Variants in PRAC1 observed in about 807,000 individuals in gnomAD.
PRAC1 encodes the protein PRAC1 small nuclear protein, also known as small nuclear protein PRAC1.
A neutral mutation model predicts 3.1 loss-of-function variants in PRAC1; 4 were observed. That is an observed-to-expected ratio of 1.28 (90% CI 0.63 to 2.93). PRAC1 has a LOEUF of 2.93. PRAC1 is among the 30% of genes most tolerant of loss of function. The probability of loss-of-function intolerance (pLI) is 0.01; values close to 1 mark genes in which losing one functional copy is unlikely to be tolerated. For synonymous variants in PRAC1, 32 were observed against 27.0 expected (o/e 1.18, Z -0.57); for missense variants, 72 against 66.8 (o/e 1.08, Z -0.27).
At chr17:48,722,172 T>C in intron 1 of PRAC1, 146 bp downstream of exon 1, 1 of 742,220 alleles carries the variant, frequency 1.3e-6, no homozygotes, top group Admixed American at 2.6e-5. Flanking sequence ...GTGGTATCGG[T>C]GAAAGCCTGC....
In PRAC1 at chr17:48,722,491, T is replaced by G; in HGVS notation, c.-99A>C. 1 of 991,662 alleles carries G rather than the reference T, an allele frequency of 1.0e-6. No individual in the cohort carries two copies. The highest frequency in any genetic ancestry group is 1.6e-6 in the Non-Finnish European group (1 of 619,234). The allele number at this position is 991,662 out of a possible 1,614,324, so 61.4% of individuals were successfully genotyped here. On this transcript the variant is annotated 5_prime_UTR_variant, in exon 1 of 2. Coordinates refer to ENST00000290294, the MANE Select transcript of PRAC1 (RefSeq NM_032391.3). Reference sequence around the variant, plus strand: ...TTTCAGCCTCCCAGTGGCGCTCTGTTTGCACGCCTTAGGCTAGGAGAGGAA... The same window carrying G: ...TTTCAGCCTCCCAGTGGCGCTCTGTGTGCACGCCTTAGGCTAGGAGAGGAA...
chr17:48,722,239 C>G (rs1597928495), intron 1 of PRAC1, 79 bp downstream of exon 1: 2 of 1,222,922 alleles, frequency 1.6e-6, no homozygotes, highest in Non-Finnish European at 2.4e-6. Context: ...TCCTGGGAGA[C>G]CCTCTCCCAG....
At position 48,721,856 on chromosome 17, in the gene PRAC1, T is replaced by C. The variant is rs1193280832; in HGVS notation, c.119A>G (p.Asp40Gly). The C allele has an allele frequency of 1.3e-6, 2 of 1,541,536 alleles. No homozygotes were observed. Among genetic ancestry groups the C allele is most frequent in the Non-Finnish European group, 8.8e-7 (1 of 1,141,502 alleles). Residue 40 changes from aspartate (D) to glycine (G), a missense_variant, in exon 2 of 2, where the codon GAT (aspartate) becomes GGT (glycine). Physicochemically the swap from Asp to Gly is moderately conservative, Grantham distance 94. Transcript: ENST00000290294. ...AATTCCAGAATTACAGGCTGAGCCA[T>C]CACTCCTGGTCTCGCCCAGTAGATG... ...LKHLLGETRSDGSACNSGISG... is the reference protein window; with the variant it reads ...LKHLLGETRSGGSACNSGISG...
In PRAC1 at chr17:48,722,410, A is replaced by G; in HGVS notation, c.-18T>C. 1 of 1,613,034 alleles carries G rather than the reference A, an allele frequency of 6.2e-7. No individual in the cohort carries two copies. Among genetic ancestry groups the G allele is most frequent in the Non-Finnish European group, 8.5e-7 (1 of 1,178,960 alleles). On this transcript the variant is annotated 5_prime_UTR_variant, in exon 1 of 2. Coordinates refer to ENST00000290294, the MANE Select transcript of PRAC1 (RefSeq NM_032391.3). ...CACAACATCGCTGTTCTCTCTGCAA[A>G]GGTGGGGACCAGAATCCAGCTTGCC... is the stretch of plus-strand genomic sequence containing the variant.
intron 1 of PRAC1, 141 bp from the exon 2 acceptor site, chr17:48,722,040 C>T (rs893533343): frequency 1.0e-6 from 1 of 977,020 alleles, no homozygotes; most frequent in African/African-American, 1.6e-5. Context: ...AGTTCCCACT[C>T]CCAAGCCTCT....
At chr17:48,721,984 T>C (rs1238979389) in intron 1 of PRAC1, 85 bp from the exon 2 acceptor site, 39 of 1,348,992 alleles carry the variant, frequency 2.9e-5, no homozygotes, top group East Asian at 5.2e-5. Context: ...CTCCATCCCA[T>C]TGGAGACAAA....
At chr17:48,722,073 C>T (rs954615551) in intron 1 of PRAC1, among the ~76,000 whole-genome samples, 174 bp from the exon 2 acceptor site, 3 of 152,192 alleles carry the variant, frequency 2.0e-5, no homozygotes, top group African/African-American at 7.2e-5. Context: ...TCCTGCAGGT[C>T]CCGCGTGCTG....
Position 48,722,383 on chromosome 17 carries a change from C to T in PRAC1, c.10G>A (p.Ala4Thr), listed in dbSNP as rs1314233252. ...GCCGGTCCTTGATCTGAGAAATGGG[C>T]GCACAACATCGCTGTTCTCTCTGCA... is the stretch of plus-strand genomic sequence containing the variant. MLCAHFSDQGPAHL... is the reference protein window; with the variant it reads MLCTHFSDQGPAHL... Residue 4 changes from alanine (A) to threonine (T), a missense_variant, in exon 1 of 2, where the codon GCC becomes ACC. Physicochemically the swap from Ala to Thr is moderately conservative, Grantham distance 58. Transcript: ENST00000290294. 3 of 1,614,006 alleles carry T rather than the reference C, an allele frequency of 1.9e-6. No individual in the cohort carries two copies. Among genetic ancestry groups the T allele is most frequent in the Non-Finnish European group, 2.5e-6 (3 of 1,179,960 alleles).
In PRAC1 at chr17:48,722,400, C is replaced by A. The variant is rs1167194623; in HGVS notation, c.-8G>T. The A allele has an allele frequency of 6.2e-6, 10 of 1,613,864 alleles. No individual in the cohort carries two copies. The highest frequency in any genetic ancestry group is 8.5e-6 in the Non-Finnish European group (10 of 1,179,834). Reference sequence around the variant, plus strand: ...GAAATGGGCGCACAACATCGCTGTTCTCTCTGCAAAGGTGGGGACCAGAAT... The same window carrying A: ...GAAATGGGCGCACAACATCGCTGTTATCTCTGCAAAGGTGGGGACCAGAAT... On this transcript the variant is annotated 5_prime_UTR_variant, in exon 1 of 2. The change creates a premature stop within an existing upstream ORF in the 5' untranslated region. Coordinates refer to ENST00000290294, the MANE Select transcript of PRAC1 (RefSeq NM_032391.3).
At position 48,722,384 on chromosome 17, in the gene PRAC1, G is replaced by T. The variant is rs1446171363; in HGVS notation, c.9C>A (p.Cys3Ter). ML[C>*]AHFSDQGPAH... ...CCGGTCCTTGATCTGAGAAATGGGCGCACAACATCGCTGTTCTCTCTGCAA... is the reference window on the plus strand; with the variant it reads ...CCGGTCCTTGATCTGAGAAATGGGCTCACAACATCGCTGTTCTCTCTGCAA... The change falls in exon 1 of 2, where the codon TGC (cysteine) becomes TGA (stop). Residue 3 changes from cysteine to a stop codon, truncating the protein, a stop_gained. Transcript: ENST00000290294. LOFTEE classifies it high-confidence loss of function. 1.9e-6 allele frequency: 3 copies of T among 1,613,968 alleles called. No individual in the cohort carries two copies. Among genetic ancestry groups the T allele is most frequent in the South Asian group, 1.1e-5 (1 of 91,076 alleles).
At position 48,722,413 on chromosome 17, in the gene PRAC1, TGG is replaced by T. The variant is rs1567699312; in HGVS notation, c.-23_-22del. The stretch of plus-strand genomic sequence containing the variant: ...AACATCGCTGTTCTCTCTGCAAAGG[TGG>T]GGACCAGAATCCAGCTTGCCTGACC... On this transcript the variant is annotated 5_prime_UTR_variant, in exon 1 of 2. Transcript: ENST00000290294. 1 of 1,612,118 alleles carries T rather than the reference TGG, an allele frequency of 6.2e-7. No homozygotes were observed. The highest frequency in any genetic ancestry group is 1.7e-5 in the Admixed American group (1 of 60,020).
chr17:48,721,795 CTG>C lies in PRAC1; in HGVS notation c.*4_*5del. ...CATTGCCCAGGCTGGTCTGGAACTC[CTG>C]TGCTCAAGGAATCTTCCTGCCTCGG... On this transcript the variant is annotated 3_prime_UTR_variant, in exon 2 of 2. Transcript: ENST00000290294. 1 of 1,536,562 alleles carries C rather than the reference CTG, an allele frequency of 6.5e-7. No homozygotes were observed. Among genetic ancestry groups the C allele is most frequent in the East Asian group, 2.5e-5 (1 of 40,324 alleles).
In PRAC1 at chr17:48,721,802, C is replaced by G. The variant is rs1364126613; in HGVS notation, c.173G>C (p.Ter58SerextTer?). The stretch of plus-strand genomic sequence containing the variant: ...CAGGCTGGTCTGGAACTCCTGTGCT[C>G]AAGGAATCTTCCTGCCTCGGCCTCC... Reference protein sequence around the residue: ...ISGGRGRKIP* With the variant: ...ISGGRGRKIPS The change falls in exon 2 of 2, where the codon TGA becomes TCA. Residue 58 changes from the stop codon to serine (S), a stop_lost. Coordinates refer to ENST00000290294, the MANE Select transcript of PRAC1 (RefSeq NM_032391.3). The G allele has an allele frequency of 6.5e-7, 1 of 1,539,752 alleles. No individual in the cohort carries two copies. Among genetic ancestry groups the G allele is most frequent in the Non-Finnish European group, 8.8e-7 (1 of 1,140,372 alleles).
intron 1 of PRAC1, 88 bp from the exon 2 acceptor site, chr17:48,721,987 G>A (rs2038149678): frequency 1.5e-6 from 2 of 1,340,570 alleles, no homozygotes; most frequent in Non-Finnish European, 2.0e-6. Context: ...CATCCCATTG[G>A]AGACAAACAT....
At position 48,721,906 on chromosome 17, in the gene PRAC1, T is replaced by C; in HGVS notation, c.76-7A>G. 9 of 1,502,826 alleles carry C rather than the reference T, an allele frequency of 6.0e-6. No individual in the cohort carries two copies. Among genetic ancestry groups the C allele is most frequent in the Non-Finnish European group, 8.0e-6 (9 of 1,125,448 alleles). 93.1% of individuals were successfully genotyped at this position (1,502,826 alleles called of 1,614,324 possible). On this transcript the variant is annotated splice_polypyrimidine_tract_variant and splice_region_variant and intron_variant, in intron 1 of 1. Coordinates refer to ENST00000290294, the MANE Select transcript of PRAC1 (RefSeq NM_032391.3). ...GTTTCAAAGTAGATGTTTTCTAAAA[T>C]ATTTTACAATATTTACAAATTTTAA...
rs767737425 is a variant in PRAC1 at position 48,722,342 on chromosome 17, G to A, written c.51C>T (p.Ser17=). ...SDQGPAHLTT[S]KSAFLSNKKT... Reference sequence around the variant, plus strand: ...CCTTATTAGAGAGAAAAGCACTCTTGGAGGTAGTAAGATGGGCCGGTCCTT... The same window carrying A: ...CCTTATTAGAGAGAAAAGCACTCTTAGAGGTAGTAAGATGGGCCGGTCCTT... The change falls in exon 1 of 2, where the codon TCC becomes TCT. Residue 17 remains serine (S), a synonymous_variant. Coordinates refer to ENST00000290294, the MANE Select transcript of PRAC1 (RefSeq NM_032391.3). The A allele has an allele frequency of 2.1e-5, 34 of 1,614,012 alleles. No homozygotes were observed. Among genetic ancestry groups the A allele is most frequent in the Non-Finnish European group, 2.8e-5 (33 of 1,179,950 alleles).
intron 1 of PRAC1, 44 bp downstream of exon 1, chr17:48,722,274 T>A (rs757521578): frequency 6.6e-7 from 1 of 1,524,644 alleles, no homozygotes; most frequent in South Asian, 1.1e-5. Context: ...GCTACCATAC[T>A]GAGCGATCCG....
rs868282468 is a variant in PRAC1 at position 48,721,859 on chromosome 17, C to T, written c.116G>A (p.Ser39Asn). The change falls in exon 2 of 2, where the codon AGT (serine) becomes AAT (asparagine). Residue 39 changes from serine to asparagine, a missense_variant. Transcript: ENST00000290294. ...TCCAGAATTACAGGCTGAGCCATCA[C>T]TCCTGGTCTCGCCCAGTAGATGTTT... Reference protein sequence around the residue: ...TLKHLLGETRSDGSACNSGIS... With the variant: ...TLKHLLGETRNDGSACNSGIS... 1 of 1,541,406 alleles carries T rather than the reference C, an allele frequency of 6.5e-7. No individual in the cohort carries two copies. Among genetic ancestry groups the T allele is most frequent in the Middle Eastern group, 1.8e-4 (1 of 5,670 alleles).
At chr17:48,722,278 C>T (rs756253190) in intron 1 of PRAC1, 40 bp downstream of exon 1, 1 of 1,533,036 alleles carries the variant, frequency 6.5e-7, no homozygotes, top group Admixed American at 1.7e-5. Flanking sequence ...CCATACTGAG[C>T]GATCCGTCGA....
Sources: gnomAD v4.1 joint callset for allele counts (sites outside exome capture counted in the v4.1 genomes callset) on GRCh38, gnomAD v4.1.1 for gene constraint, MANE v1.5 for transcripts, NCBI Gene and HGNC (gene_info 2026-07-23, HGNC 2026-07-21) for gene names.